NFRKB: variants seen among roughly 807,000 people sequenced by gnomAD.
NFRKB encodes nuclear factor related to kappa-B-binding protein.
A neutral mutation model predicts 135.7 loss-of-function variants in NFRKB; 62 were observed. The observed-to-expected ratio is 0.46, with a 90% CI of 0.37 to 0.56. The LOEUF is 0.56. Ranked by LOEUF, NFRKB falls within the 20% of genes least tolerant of loss-of-function variation. The pLI is 0.00. For synonymous variants in NFRKB, 678 were observed against 635.6 expected, an observed-to-expected ratio of 1.07 and a Z score of -1.00; for missense variants, 1,545 against 1,662.0, an observed-to-expected ratio of 0.93 and a Z score of 1.22.
chr11:129,893,430 C>T, intron 2 of NFRKB: 1 of 336,528 alleles, frequency 3.0e-6, no homozygotes, highest in Non-Finnish European at 5.7e-6. Flanking sequence ...CGTGGTGGCG[C>T]ACGCCTGTAG....
Position 129,869,680 on chromosome 11 carries a change from G to A in NFRKB, c.3345C>T (p.Ala1115=), listed in dbSNP as rs147505675. ...CAGTTCCAGACCCACTGGCCACCGA[G>A]GCCCCTTGCTTGGCGTGGGTTGCAA... ...ITVATHAKQG[A]SVASGSGTVH... Residue 1115 remains alanine, a synonymous_variant, in exon 24 of 27, where the codon GCC becomes GCT. Coordinates refer to ENST00000682444, the MANE Select transcript of NFRKB (RefSeq NM_001143835.2). 227 of 1,614,236 alleles carry A rather than the reference G, an allele frequency of 1.4e-4. No homozygotes were observed. In the African/African-American group the frequency reaches 2.8e-3, roughly 20 times the overall value.
intron 2 of NFRKB, among the ~76,000 whole-genome samples, chr11:129,893,759 G>A (rs979772490): frequency 6.6e-6 from 1 of 152,078 alleles, no homozygotes; most frequent in Admixed American, 6.6e-5. Flanking sequence ...TTATTACATC[G>A]GAATTAAAAC....
At chr11:129,867,697 C>A (rs1386443126) in intron 24 of NFRKB, among the ~76,000 whole-genome samples, 1 of 152,226 alleles carries the variant, frequency 6.6e-6, no homozygotes, top group Non-Finnish European at 1.5e-5. Context: ...TCCTTCTTCA[C>A]TGCTCTGGCT....
chr11:129,886,557 G>A (rs1380310925), intron 4 of NFRKB, 113 bp from the exon 5 acceptor site: 9 of 974,670 alleles, frequency 9.2e-6, no homozygotes, highest in African/African-American at 6.5e-5. Flanking sequence ...CAAAACTTAA[G>A]GGAAAAGTGA....
Position 129,875,349 on chromosome 11 carries a change from C to T in NFRKB, c.1854+8G>A, listed in dbSNP as rs779001502. ...AACAAAGCAAAAGTAATCTCTTCTC[C>T]GTCCTACCTGAGTGCTGGTGACATC... On this transcript the variant is annotated splice_region_variant and intron_variant, in intron 18 of 26. Coordinates refer to ENST00000682444, the MANE Select transcript of NFRKB (RefSeq NM_001143835.2). 13 of 1,600,622 alleles carry T rather than the reference C, an allele frequency of 8.1e-6. No homozygotes were observed. Among genetic ancestry groups the T allele is most frequent in the South Asian group, 2.2e-5 (2 of 89,260 alleles).
At position 129,886,381 on chromosome 11, in the gene NFRKB, C is replaced by T; in HGVS notation, c.401G>A (p.Arg134His). 3 of 1,614,032 alleles carry T rather than the reference C, an allele frequency of 1.9e-6. No individual in the cohort carries two copies. Among genetic ancestry groups the T allele is most frequent in the South Asian group, 2.2e-5 (2 of 91,078 alleles). Residue 134 changes from arginine to histidine, a missense_variant, in exon 5 of 27, where the codon CGC becomes CAC. By Grantham distance (29) the Arg-to-His change is conservative. Coordinates refer to ENST00000682444, the MANE Select transcript of NFRKB (RefSeq NM_001143835.2). ...RQLCFKSQYK[R>H]YLNSQQQYFH... Reference sequence around the variant, plus strand: ...ATACTGCTGCTGGGAGTTGAGGTAGCGCTTGTACTGTGACTTGAAGCATAA... The same window carrying T: ...ATACTGCTGCTGGGAGTTGAGGTAGTGCTTGTACTGTGACTTGAAGCATAA...
Position 129,884,777 on chromosome 11 carries a change from G to A in NFRKB, c.710C>T (p.Pro237Leu), listed in dbSNP as rs1363041287. ...TTTCATATCCGTGGTTGAAAGTGTG[G>A]GCACCACCCGCAGGGGCACCGCAGG... ...PSPAVPLRVV[P>L]TLSTTDMKTA... is the part of the protein sequence containing the mutation. Residue 237 changes from proline to leucine, a missense_variant, in exon 7 of 27, where the codon CCC (proline) becomes CTC (leucine). By Grantham distance (98) the Pro-to-Leu change is moderately conservative. Coordinates refer to ENST00000682444, the MANE Select transcript of NFRKB (RefSeq NM_001143835.2). The A allele has an allele frequency of 1.9e-6, 3 of 1,614,092 alleles. No homozygotes were observed. Among genetic ancestry groups the A allele is most frequent in the African/African-American group, 1.3e-5 (1 of 75,050 alleles).
chr11:129,888,015 C>T (rs531533349), intron 4 of NFRKB, among the ~76,000 whole-genome samples: 21 of 151,996 alleles, frequency 1.4e-4, no homozygotes, highest in Admixed American at 3.3e-4. Flanking sequence ...CCAGCCTGGG[C>T]GACACAGCGA....
At chr11:129,881,356 G>T in intron 13 of NFRKB, 87 bp downstream of exon 13, 1 of 1,343,846 alleles carries the variant, frequency 7.4e-7, no homozygotes, top group Non-Finnish European at 1.1e-6. Flanking sequence ...CCAATCTGCA[G>T]GACTATATTG....
chr11:129,895,287 T>G (rs1949722234), intron 1 of NFRKB, among the ~76,000 whole-genome samples: 2 of 151,998 alleles, frequency 1.3e-5, no homozygotes, highest in African/African-American at 4.8e-5. Flanking sequence ...CCGGGTCCAA[T>G]CCTCAGAACT....
rs199620302 is a variant in NFRKB at position 129,873,920 on chromosome 11, C to T, written c.2375G>A (p.Arg792Gln). ...AGCAGAGCCAGAGTGGCTCACGACC[C>T]GGGCGGCAGCCTGAGAACTGGGTGC... ...QTAPSSQAAA[R>Q]VVSHSGSAGL... The change falls in exon 22 of 27, where the codon CGG (arginine) becomes CAG (glutamine). Residue 792 changes from arginine (R) to glutamine (Q), a missense_variant. By Grantham distance (43) the Arg-to-Gln change is conservative. Around this residue, in one of 3 missense-constraint regions of NFRKB, gnomAD observed 753 missense variants for 804.3 expected, o/e 0.94. Coordinates refer to ENST00000682444, the MANE Select transcript of NFRKB (RefSeq NM_001143835.2). 2.0e-5 allele frequency: 32 copies of T among 1,613,492 alleles called. No individual in the cohort carries two copies. Among genetic ancestry groups the T allele is most frequent in the Non-Finnish European group, 2.4e-5 (28 of 1,180,020 alleles).
rs980527022 is a variant in NFRKB, at chr11:129,866,900, G to A, written c.3532-917C>T. Among the ~76,000 whole-genome samples, 5 of 152,262 alleles carry A rather than the reference G, an allele frequency of 3.3e-5. No individual in the cohort carries two copies. The East Asian group carries it at 9.7e-4, about 29-fold the overall frequency. On this transcript the variant is annotated intron_variant, in intron 24 of 26. Transcript: ENST00000682444. ...CACTCAGCTGCACAACTGCGCGGCA[G>A]GTCCCCGCACCTATCTCCATGGGGT...
chr11:129,872,986 G>C lies in NFRKB; in HGVS notation c.2661C>G (p.Ser887Arg). The C allele has an allele frequency of 6.2e-7, 1 of 1,614,216 alleles. No individual in the cohort carries two copies. The highest frequency in any genetic ancestry group is 8.5e-7 in the Non-Finnish European group (1 of 1,180,032). Residue 887 changes from serine to arginine, a missense_variant, in exon 23 of 27, where the codon AGC (serine) becomes AGG (arginine). Physicochemically the swap from Ser to Arg is moderately radical, Grantham distance 110. Coordinates refer to ENST00000682444, the MANE Select transcript of NFRKB (RefSeq NM_001143835.2). ...AACTCGTGGCTGGCTTACTCACAGG[G>C]CTGGCTGTGGCAGGGAGACTTGTCA... ...LTVTSLPATA[S>R]PVSKPATSSP...
rs760868594 is a variant in NFRKB, at chr11:129,870,039, C to T, written c.2986G>A (p.Gly996Arg). Residue 996 changes from glycine (G) to arginine (R), a missense_variant, in exon 24 of 27, where the codon GGG becomes AGG. By Grantham distance (125) the Gly-to-Arg change is moderately radical. Around this residue, in one of 3 missense-constraint regions of NFRKB, gnomAD observed 753 missense variants for 804.3 expected, o/e 0.94. Coordinates refer to ENST00000682444, the MANE Select transcript of NFRKB (RefSeq NM_001143835.2). ...TTGCCTGTAGTGTTGCCTCCTGTCCCGAAGAGGTCCTGGGTCAATTTGACT... is the reference window on the plus strand; with the variant it reads ...TTGCCTGTAGTGTTGCCTCCTGTCCTGAAGAGGTCCTGGGTCAATTTGACT... ...TTVKLTQDLF[G>R]TGGNTTGKGI... The T allele has an allele frequency of 8.7e-6, 14 of 1,614,112 alleles. No homozygotes were observed. Among genetic ancestry groups the T allele is most frequent in the South Asian group, 2.2e-5 (2 of 91,090 alleles).
chr11:129,874,352 A>G lies in NFRKB; in HGVS notation c.2059-19T>C, dbSNP rs150836430. ...TGGACTTCTAGAACGGAAGACAAAG[A>G]AAACTCACCTGGTGTCGTGAAGATC... On this transcript the variant is annotated intron_variant, in intron 20 of 26. Transcript: ENST00000682444. This position sits in a 1 kb window ranked among gnomAD's most constrained non-coding sequence, Gnocchi z 4.5. 1.4e-3 allele frequency: 2,073 copies of G among 1,519,110 alleles called. 33 individuals carry two copies. The African/African-American group carries it at 0.026, about 19-fold the overall frequency. The allele number at this position is 1,519,110 out of a possible 1,614,324, so 94.1% of individuals were successfully genotyped here.
chr11:129,864,578 G>A lies in NFRKB; in HGVS notation c.*147C>T, dbSNP rs1948099364. The A allele has an allele frequency of 8.9e-7, 1 of 1,117,828 alleles. No homozygotes were observed. Among genetic ancestry groups the A allele is most frequent in the Non-Finnish European group, 1.3e-6 (1 of 784,550 alleles). 69.2% of individuals were successfully genotyped at this position (1,117,828 alleles called of 1,614,324 possible). A position where few individuals can be genotyped will look rare whatever the true frequency, so the allele number is the denominator to read the frequency against. ...CTATGGCACGTGGCAGCAGAATCCA[G>A]GCCACGAATCCAGGCCACCGTTGCC... On this transcript the variant is annotated 3_prime_UTR_variant, in exon 27 of 27. Coordinates refer to ENST00000682444, the MANE Select transcript of NFRKB (RefSeq NM_001143835.2).
chr11:129,869,437 G>A, intron 24 of NFRKB, 57 bp downstream of exon 24: 3 of 1,512,978 alleles, frequency 2.0e-6, no homozygotes, highest in Non-Finnish European at 2.6e-6. Context: ...ATGGGCAGTT[G>A]AGCCTTGATT....
rs373347999 is a variant in NFRKB at position 129,874,466 on chromosome 11, A to G, written c.2058+35T>C. The G allele has an allele frequency of 3.1e-6, 5 of 1,595,018 alleles. No individual in the cohort carries two copies. The highest frequency in any genetic ancestry group is 4.3e-6 in the Non-Finnish European group (5 of 1,172,564). On this transcript the variant is annotated intron_variant, in intron 20 of 26. Transcript: ENST00000682444. The surrounding 1 kb of genome is among the most constrained non-coding windows in gnomAD (Gnocchi z 4.5). ...CACTCTTAGTTGCCTCCATCCCAGA[A>G]TCCCTAGGGCAGACACTCTCCTGAA...
In NFRKB at chr11:129,864,158, CCTTA is replaced by C. The variant is rs2135628109; in HGVS notation, c.*563_*566del. 1 of 152,822 alleles carries C rather than the reference CCTTA, an allele frequency of 6.5e-6. No homozygotes were observed. Among genetic ancestry groups the C allele is most frequent in the African/African-American group, 2.4e-5 (1 of 41,582 alleles). 9.5% of individuals were successfully genotyped at this position (152,822 alleles called of 1,614,324 possible). ...TATGCAGTTACCAAGCTGGCTACCA[CCTTA>C]CTAAGATTCTTGCCATTTTCTCATT... is the stretch of plus-strand genomic sequence containing the variant. On this transcript the variant is annotated 3_prime_UTR_variant, in exon 27 of 27. Coordinates refer to ENST00000682444, the MANE Select transcript of NFRKB (RefSeq NM_001143835.2).
Sources: gnomAD v4.1 joint callset for allele counts (sites outside exome capture counted in the v4.1 genomes callset) on GRCh38, gnomAD v4.1.1 for gene constraint, gnomAD v4.1.1 regional missense constraint, Gnocchi (gnomAD v3.1) non-coding constraint, MANE v1.5 for transcripts, NCBI Gene and HGNC (gene_info 2026-07-23, HGNC 2026-07-21) for gene names.